The following SPEF2 variants were observed in gnomAD, a reference collection of about 807,000 sequenced individuals.
SPEF2 encodes the protein sperm flagellar and cilia associated 2.
A neutral mutation model predicts 224.6 loss-of-function variants in SPEF2; 187 were observed. The observed-to-expected ratio is 0.83, with a 90% CI of 0.74 to 0.94. SPEF2 has a LOEUF of 0.94. Among genes scored for constraint, SPEF2 ranks in the 40% least tolerant of loss-of-function variants. The pLI is 0.00. For missense variants in SPEF2, 2,170 were observed against 2,135.6 expected (o/e 1.02, Z -0.32); for synonymous variants, 715 against 707.3 (o/e 1.01, Z -0.17).
At chr5:35,634,347 T>A (rs774184089) in intron 2 of SPEF2, among the ~76,000 whole-genome samples, 43 of 152,086 alleles carry the variant, frequency 2.8e-4, no homozygotes, top group Non-Finnish European at 4.6e-4. Context: ...CCTCCCTAAT[T>A]TCTGACAAGA....
intron 21 of SPEF2, 69 bp downstream of exon 21, chr5:35,727,892 C>G: frequency 2.0e-6 from 3 of 1,519,278 alleles, no homozygotes; most frequent in Non-Finnish European, 1.8e-6. Flanking sequence ...TTCACACTGT[C>G]ATTTGCAACA....
intron 27 of SPEF2, among the ~76,000 whole-genome samples, chr5:35,772,819 A>T (rs1035991225): frequency 6.6e-6 from 1 of 152,190 alleles, no homozygotes; most frequent in Non-Finnish European, 1.5e-5. Context: ...TCTCTCCTTC[A>T]TCTGTAACTT....
chr5:35,761,875 T>C (rs1321880233), intron 25 of SPEF2, among the ~76,000 whole-genome samples: 3 of 152,162 alleles, frequency 2.0e-5, no homozygotes, highest in Non-Finnish European at 4.4e-5. Context: ...TTCCTGCGAA[T>C]AACTCTGCAC....
At chr5:35,778,297 T>A (rs530447016) in intron 29 of SPEF2, among the ~76,000 whole-genome samples, 1 of 152,214 alleles carries the variant, frequency 6.6e-6, no homozygotes, top group Non-Finnish European at 1.5e-5. Flanking sequence ...TAAAAGGTCA[T>A]TAACTATACC....
intron 30 of SPEF2, chr5:35,790,181 A>G: frequency 1.4e-6 from 1 of 699,098 alleles, no homozygotes; most frequent in Non-Finnish European, 2.6e-6. Flanking sequence ...GGACCAAGTC[A>G]CATATGCATG....
At chr5:35,662,410 G>A (rs556382068) in intron 8 of SPEF2, among the ~76,000 whole-genome samples, 4 of 152,108 alleles carry the variant, frequency 2.6e-5, no homozygotes, top group Admixed American at 6.6e-5. Flanking sequence ...TTCTTTTGCT[G>A]TGCAGAAGCT....
chr5:35,790,221 G>A (rs139027371), intron 30 of SPEF2: 3 of 687,916 alleles, frequency 4.4e-6, no homozygotes, highest in African/African-American at 1.8e-5. Flanking sequence ...TATGACGGAT[G>A]TCCTAATTAT....
At chr5:35,717,031 C>T (rs188642828) in intron 20 of SPEF2, among the ~76,000 whole-genome samples, 1 of 152,282 alleles carries the variant, frequency 6.6e-6, no homozygotes, top group Admixed American at 6.5e-5. Flanking sequence ...AACCCATTTG[C>T]CACTGTCCCA....
chr5:35,705,881 T>C, intron 18 of SPEF2, 73 bp downstream of exon 18: 2 of 982,436 alleles, frequency 2.0e-6, no homozygotes, highest in East Asian at 2.8e-5. Flanking sequence ...TGGTAGGAAA[T>C]GAAGATGTGA....
intron 5 of SPEF2, among the ~76,000 whole-genome samples, chr5:35,648,375 G>GT (rs529933313): frequency 1.1e-3 from 155 of 143,604 alleles, no homozygotes; most frequent in South Asian, 6.2e-3. Context: ...TTTTTTTTTT[G>GT]TTTTTTTTTG....
Position 35,642,513 on chromosome 5 carries a change from A to G in SPEF2, c.414+830A>G, listed in dbSNP as rs895071606. Among the ~76,000 whole-genome samples the G allele has an allele frequency of 3.3e-5, 5 of 152,222 alleles. No homozygotes were observed. In the East Asian group the frequency reaches 9.6e-4, roughly 29 times the overall value. On this transcript the variant is annotated intron_variant, in intron 3 of 36. Transcript: ENST00000356031. ...GCTAACTAGTCATTATTTATTTGTC[A>G]TATGACCTTACCAGATTTTTAGTAC... is the stretch of plus-strand genomic sequence containing the variant.
At chr5:35,676,502 G>A (rs12655135) in intron 10 of SPEF2, among the ~76,000 whole-genome samples, 18,797 of 152,098 alleles carry the variant, frequency 0.12, 1,709 homozygotes, top group East Asian at 0.37. Context: ...GCCAAGGCAG[G>A]CAGATCACTT....
At chr5:35,792,757 C>G (rs537753650) in intron 31 of SPEF2, among the ~76,000 whole-genome samples, 2 of 152,316 alleles carry the variant, frequency 1.3e-5, no homozygotes, top group Admixed American at 6.5e-5. Flanking sequence ...TCTGGTTGTT[C>G]TTGCTTTTCA....
chr5:35,679,582 A>G (rs1320309040), intron 10 of SPEF2, among the ~76,000 whole-genome samples: 1 of 152,220 alleles, frequency 6.6e-6, no homozygotes, highest in Non-Finnish European at 1.5e-5. Context: ...CAGCTGGCTC[A>G]TACTAGTCTA....
chr5:35,628,673 C>T (rs1421624336), intron 2 of SPEF2, 111 bp downstream of exon 2: 2 of 679,552 alleles, frequency 2.9e-6, no homozygotes, highest in Non-Finnish European at 5.0e-6. Flanking sequence ...CTCACAGCAA[C>T]CTCAAACTCC....
chr5:35,727,860 CT>C (rs1561270073), intron 21 of SPEF2, 37 bp downstream of exon 21: 3 of 1,597,056 alleles, frequency 1.9e-6, no homozygotes, highest in Non-Finnish European at 2.6e-6. Context: ...AGAATTCATT[CT>C]TTCTCCTGCA....
intron 21 of SPEF2, among the ~76,000 whole-genome samples, chr5:35,737,442 C>T (rs1054985547): frequency 2.0e-5 from 3 of 148,332 alleles, no homozygotes; most frequent in East Asian, 4.1e-4. Context: ...CAATTCCCAC[C>T]TATGAGTGAG....
At chr5:35,729,309 G>A (rs1745219909) in intron 21 of SPEF2, among the ~76,000 whole-genome samples, 1 of 152,134 alleles carries the variant, frequency 6.6e-6, no homozygotes, top group South Asian at 2.1e-4. Flanking sequence ...GGTGCAGAAA[G>A]GAAGTAGATC....
At chr5:35,792,040 G>A (rs1756035402) in intron 30 of SPEF2, among the ~76,000 whole-genome samples, 1 of 151,960 alleles carries the variant, frequency 6.6e-6, no homozygotes, top group Non-Finnish European at 1.5e-5. Flanking sequence ...CCTATTCTGA[G>A]TGAAAAGTCA....
Sources: gnomAD v4.1 joint callset for allele counts (sites outside exome capture counted in the v4.1 genomes callset) on GRCh38, gnomAD v4.1.1 for gene constraint, MANE v1.5 for transcripts, NCBI Gene and HGNC (gene_info 2026-07-23, HGNC 2026-07-21) for gene names.